Variants in PIKFYVE observed in about 807,000 individuals in gnomAD.
PIKFYVE encodes phosphoinositide kinase, FYVE-type zinc finger containing.
A neutral mutation model predicts 257.9 loss-of-function variants in PIKFYVE; 122 were observed. The ratio of observed to expected loss-of-function variants is 0.47; its 90% CI spans 0.41 to 0.55. PIKFYVE has a LOEUF of 0.55. PIKFYVE is among the 20% of genes least tolerant of loss of function. PIKFYVE has a pLI of 0.00. For missense variants in PIKFYVE, 2,160 were observed against 2,536.6 expected (o/e 0.85, Z 3.19); for synonymous variants, 892 against 868.9 (o/e 1.03, Z -0.47).
chr2:208,319,446 T>C (rs1414357406), intron 16 of PIKFYVE, among the ~76,000 whole-genome samples: 1 of 152,214 alleles, frequency 6.6e-6, no homozygotes, highest in Admixed American at 6.5e-5. Flanking sequence ...GGTAAATATG[T>C]TGTGCCTTCT....
chr2:208,294,526 T>C (rs1692717833), intron 7 of PIKFYVE, among the ~76,000 whole-genome samples: 1 of 152,118 alleles, frequency 6.6e-6, no homozygotes, highest in Non-Finnish European at 1.5e-5. Flanking sequence ...AAATAGGCCT[T>C]TAGTGATGTA....
chr2:208,280,553 G>A (rs528925316), intron 5 of PIKFYVE, among the ~76,000 whole-genome samples: 1 of 152,122 alleles, frequency 6.6e-6, no homozygotes, highest in Non-Finnish European at 1.5e-5. Context: ...CAGTCGCCTT[G>A]GTAAAAGCAT....
chr2:208,288,735 T>G lies in PIKFYVE; in HGVS notation c.828T>G (p.Ile276Met), dbSNP rs779776550. Residue 276 changes from isoleucine to methionine, a missense_variant, in exon 7 of 42, where the codon ATT (isoleucine) becomes ATG (methionine). Physicochemically the swap from Ile to Met is conservative, Grantham distance 10. This residue lies in a region of PIKFYVE where 187 missense variants were observed against 185.6 expected (regional missense o/e 1.01). Coordinates refer to ENST00000264380, the MANE Select transcript of PIKFYVE (RefSeq NM_015040.4). ...LEDDLAWQSL[I>M]HPDSSNTPLS... is the part of the protein sequence containing the mutation. ...TTTCCTATTTTCTTTATAGTTTGAT[T>G]CATCCAGATTCCTCAAATACTCCTC... 5.0e-6 allele frequency: 8 copies of G among 1,614,014 alleles called. No individual in the cohort carries two copies. The Admixed American group carries it at 1.2e-4, about 24-fold the overall frequency.
At chr2:208,272,690 T>C (rs779764049) in intron 2 of PIKFYVE, among the ~76,000 whole-genome samples, 3 of 152,156 alleles carry the variant, frequency 2.0e-5, no homozygotes, top group Non-Finnish European at 4.4e-5. Context: ...TTAATAGTGT[T>C]AATTAACTCA....
intron 1 of PIKFYVE, among the ~76,000 whole-genome samples, chr2:208,267,463 A>G (rs1688789617): frequency 6.9e-6 from 1 of 145,946 alleles, no homozygotes; most frequent in Admixed American, 6.8e-5. Flanking sequence ...AGAAGCTAAC[A>G]TTTCCAATAT....
chr2:208,333,329 T>C lies in PIKFYVE; in HGVS notation c.3978T>C (p.Val1326=), dbSNP rs765416513. ...CTGAATTCCAGGTAACACCAGTTGT[T>C]GCTCTTTCCAATGAGTCCTGGTCTA... ...CRICKQVTPV[V]ALSNESWSMS... Residue 1326 remains valine (V), a synonymous_variant, in exon 24 of 42, where the codon GTT becomes GTC. Coordinates refer to ENST00000264380, the MANE Select transcript of PIKFYVE (RefSeq NM_015040.4). The C allele has an allele frequency of 1.2e-6, 2 of 1,614,170 alleles. No homozygotes were observed. Among genetic ancestry groups the C allele is most frequent in the Non-Finnish European group, 1.7e-6 (2 of 1,180,016 alleles).
rs1411829871 is a variant in PIKFYVE at position 208,358,477 on chromosome 2, G to T, written c.*3172G>T. The T allele has an allele frequency of 2.0e-5, 3 of 151,824 alleles. No individual in the cohort carries two copies. The highest frequency in any genetic ancestry group is 4.9e-5 in the African/African-American group (2 of 41,178). 9.4% of individuals were successfully genotyped at this position (151,824 alleles called of 1,614,324 possible). A position where few individuals can be genotyped will look rare whatever the true frequency, so the allele number is the denominator to read the frequency against. ...AATCATTAGCAGTTTTAATACTGCT[G>T]TGTCAGTTTTGTAAAAAATGTACAT... is the stretch of plus-strand genomic sequence containing the variant. On this transcript the variant is annotated 3_prime_UTR_variant, in exon 42 of 42. Transcript: ENST00000264380.
intron 40 of PIKFYVE, 64 bp from the exon 41 acceptor site, chr2:208,354,507 G>C (rs983948900): frequency 4.4e-6 from 6 of 1,362,204 alleles, no homozygotes; most frequent in African/African-American, 1.4e-5. Flanking sequence ...AGTCATTGCT[G>C]TTGTCATTTG....
At chr2:208,281,102 T>A (rs927355981) in intron 5 of PIKFYVE, among the ~76,000 whole-genome samples, 2 of 152,212 alleles carry the variant, frequency 1.3e-5, no homozygotes, top group South Asian at 2.1e-4. Flanking sequence ...CAAATTTATT[T>A]CTCATAGTCG....
chr2:208,348,432 C>T (rs1699437972), intron 35 of PIKFYVE, among the ~76,000 whole-genome samples: 1 of 152,094 alleles, frequency 6.6e-6, no homozygotes, highest in African/African-American at 2.4e-5. Flanking sequence ...CTATTTATGT[C>T]CCCTTTCATT....
In PIKFYVE at chr2:208,354,628, G is replaced by A; in HGVS notation, c.6164G>A (p.Gly2055Glu). ...CTTGAGATGGTTGTGAAATCAACAGGAATTTTAGGTGGACAAGGTGAGAAT... is the reference window on the plus strand; with the variant it reads ...CTTGAGATGGTTGTGAAATCAACAGAAATTTTAGGTGGACAAGGTGAGAAT... The part of the protein sequence containing the change: ...KKLEMVVKST[G>E]ILGGQGKMPT... Residue 2055 changes from glycine to glutamate, a missense_variant, in exon 41 of 42, where the codon GGA (glycine) becomes GAA (glutamate). Transcript: ENST00000264380. The A allele has an allele frequency of 6.2e-7, 1 of 1,612,898 alleles. No individual in the cohort carries two copies. Among genetic ancestry groups the A allele is most frequent in the East Asian group, 2.2e-5 (1 of 44,790 alleles).
chr2:208,308,915 T>G (rs763671510), intron 12 of PIKFYVE, among the ~76,000 whole-genome samples: 16 of 152,052 alleles, frequency 1.1e-4, no homozygotes, highest in African/African-American at 3.9e-4. Flanking sequence ...ACCCTGTTGG[T>G]CAGGCTGGTC....
intron 6 of PIKFYVE, 69 bp from the exon 7 acceptor site, chr2:208,288,660 T>C: frequency 6.3e-7 from 1 of 1,596,526 alleles, no homozygotes; most frequent in African/African-American, 1.3e-5. Context: ...CTTTTAATGT[T>C]AAAGCGCCTC....
chr2:208,325,422 T>C lies in PIKFYVE; in HGVS notation c.2611T>C (p.Ser871Pro). Residue 871 changes from serine to proline, a missense_variant, in exon 20 of 42, where the codon TCC (serine) becomes CCC (proline). Coordinates refer to ENST00000264380, the MANE Select transcript of PIKFYVE (RefSeq NM_015040.4). ...CVAYHSQLEI[S>P]FLMDEFAMPP... ...TGCTTATCATTCTCAACTAGAAATATCCTTTCTCATGGATGAATTTGCTAT... is the reference window on the plus strand; with the variant it reads ...TGCTTATCATTCTCAACTAGAAATACCCTTTCTCATGGATGAATTTGCTAT... 1.9e-6 allele frequency: 3 copies of C among 1,614,166 alleles called. No homozygotes were observed. Among genetic ancestry groups the C allele is most frequent in the Non-Finnish European group, 2.5e-6 (3 of 1,180,026 alleles).
rs771614575 is a variant in PIKFYVE at position 208,324,192 on chromosome 2, C to T, written c.2241C>T (p.Pro747=). Residue 747 remains proline (P), a synonymous_variant, in exon 18 of 42, where the codon CCC becomes CCT. Transcript: ENST00000264380. Reference sequence around the variant, plus strand: ...TCCAGCGAATAGTTGATGTTCGACCCACCTTGGTTCTTGTTGAGAAAACAG... The same window carrying T: ...TCCAGCGAATAGTTGATGTTCGACCTACCTTGGTTCTTGTTGAGAAAACAG... The part of the protein sequence containing the change: ...NYVQRIVDVR[P]TLVLVEKTVS... The T allele has an allele frequency of 6.2e-7, 1 of 1,613,788 alleles. No homozygotes were observed. Among genetic ancestry groups the T allele is most frequent in the Non-Finnish European group, 8.5e-7 (1 of 1,179,776 alleles).
intron 4 of PIKFYVE, 104 bp downstream of exon 4, chr2:208,276,934 G>C (rs1271283281): frequency 2.4e-6 from 2 of 850,670 alleles, no homozygotes; most frequent in Middle Eastern, 2.3e-4. Flanking sequence ...CTTAATTAGC[G>C]CTTCCTCCAG....
chr2:208,323,515 G>A (rs1696553118), intron 17 of PIKFYVE, among the ~76,000 whole-genome samples: 1 of 152,076 alleles, frequency 6.6e-6, no homozygotes, highest in Admixed American at 6.5e-5. Flanking sequence ...TATCATTGTT[G>A]GACATTTGGG....
intron 32 of PIKFYVE, among the ~76,000 whole-genome samples, chr2:208,343,074 C>T (rs1319538343): frequency 6.6e-6 from 1 of 152,034 alleles, no homozygotes; most frequent in Non-Finnish European, 1.5e-5. Flanking sequence ...GAATTACAGG[C>T]GTGAGCCACC....
chr2:208,349,456 T>C (rs943199119), intron 35 of PIKFYVE, among the ~76,000 whole-genome samples: 1 of 150,558 alleles, frequency 6.6e-6, no homozygotes, highest in East Asian at 1.9e-4. Context: ...ATTTTATGTA[T>C]AAAAATATGT....
Sources: gnomAD v4.1 joint callset for allele counts (sites outside exome capture counted in the v4.1 genomes callset) on GRCh38, gnomAD v4.1.1 for gene constraint, gnomAD v4.1.1 regional missense constraint, MANE v1.5 for transcripts, NCBI Gene and HGNC (gene_info 2026-07-23, HGNC 2026-07-21) for gene names.